PRKN: variants seen among roughly 807,000 people sequenced by gnomAD.
The protein encoded by PRKN is E3 ubiquitin-protein ligase parkin.
PRKN carries 56 observed loss-of-function variants against 59.5 expected under a neutral mutation model. That is an observed-to-expected ratio of 0.94 (90% CI 0.76 to 1.18). The LOEUF (loss-of-function observed/expected upper bound fraction) is 1.18, where lower values mean the gene tolerates loss of function less well. Among genes scored for constraint, PRKN ranks in the 50% most tolerant of loss-of-function variants. PRKN has a pLI of 0.00. For missense variants in PRKN, 657 were observed against 596.4 expected, an observed-to-expected ratio of 1.10 and a Z score of -1.06; for synonymous variants, 250 against 222.1, an observed-to-expected ratio of 1.13 and a Z score of -1.12.
In PRKN at chr6:161,460,643, G is replaced by A. The variant is rs768883878; in HGVS notation, c.1084-73766C>T. Among the ~76,000 whole-genome samples, 6 of 152,212 alleles carry A rather than the reference G, an allele frequency of 3.9e-5. No homozygotes were observed. In the South Asian group the frequency reaches 6.2e-4, roughly 16 times the overall value. On this transcript the variant is annotated intron_variant, in intron 9 of 11. Coordinates refer to ENST00000366898, the MANE Select transcript of PRKN (RefSeq NM_004562.3). This position sits in a 1 kb window ranked among gnomAD's most constrained non-coding sequence, Gnocchi z 5.0. Reference sequence around the variant, plus strand: ...AAGCTGAAGAAGACACAACTTCATCGCCGTGAGCATGACTTCCAGGGATGT... The same window carrying A: ...AAGCTGAAGAAGACACAACTTCATCACCGTGAGCATGACTTCCAGGGATGT...
rs974128590 is a variant in PRKN, at chr6:161,588,065, G to C, written c.872-18649C>G. Among the ~76,000 whole-genome samples the C allele has an allele frequency of 2.6e-5, 4 of 152,188 alleles. No individual in the cohort carries two copies. Among genetic ancestry groups the C allele is most frequent in the Non-Finnish European group, 5.9e-5 (4 of 68,044 alleles). ...AAGCATTAATAAGACCATGTCAATAGAGCGTTAATTATTAGGATTAAAAAT... is the reference window on the plus strand; with the variant it reads ...AAGCATTAATAAGACCATGTCAATACAGCGTTAATTATTAGGATTAAAAAT... On this transcript the variant is annotated intron_variant, in intron 7 of 11. Transcript: ENST00000366898. This position sits in a 1 kb window ranked among gnomAD's most constrained non-coding sequence, Gnocchi z 5.0.
chr6:161,653,114 A>G (rs1311009552), intron 7 of PRKN, among the ~76,000 whole-genome samples: 1 of 152,190 alleles, frequency 6.6e-6, no homozygotes, highest in African/African-American at 2.4e-5. Context: ...CTGTAATCCC[A>G]GCACTTTGGG....
rs533121099 is a variant in PRKN, at chr6:161,359,165, T to G, written c.1285+923A>C. Among the ~76,000 whole-genome samples the G allele has an allele frequency of 2.9e-4, 44 of 152,274 alleles. No homozygotes were observed. The highest frequency in any genetic ancestry group is 5.3e-4 in the Non-Finnish European group (36 of 68,020). ...AGCACTGCTGCATGCAATGGAGTAA[T>G]AAGGACACGCTGGGTAAATTATTTA... On this transcript the variant is annotated intron_variant, in intron 11 of 11. Coordinates refer to ENST00000366898, the MANE Select transcript of PRKN (RefSeq NM_004562.3). This position sits in a 1 kb window ranked among gnomAD's most constrained non-coding sequence, Gnocchi z 5.4.
chr6:162,677,448 C>T (rs925185255), intron 1 of PRKN, among the ~76,000 whole-genome samples: 4 of 136,588 alleles, frequency 2.9e-5, no homozygotes, highest in Non-Finnish European at 6.1e-5. Context: ...TAGTCCCCAC[C>T]GTGAAAAGCA....
At chr6:162,681,844 C>T (rs925604391) in intron 1 of PRKN, among the ~76,000 whole-genome samples, 1 of 152,062 alleles carries the variant, frequency 6.6e-6, no homozygotes, top group African/African-American at 2.4e-5. Context: ...AGACCCAACT[C>T]CCACCCGCTC....
At chr6:161,733,267 T>A (rs1168628590) in intron 7 of PRKN, among the ~76,000 whole-genome samples, 2 of 152,172 alleles carry the variant, frequency 1.3e-5, no homozygotes, top group Non-Finnish European at 2.9e-5. Flanking sequence ...TGGAAAAGTA[T>A]GAAAATAAGC....
chr6:161,521,762 T>G (rs547917121), intron 9 of PRKN, among the ~76,000 whole-genome samples: 8 of 152,254 alleles, frequency 5.3e-5, no homozygotes, highest in African/African-American at 1.9e-4. Context: ...GCCTCTCAGT[T>G]TGATTACTGG....
At chr6:162,458,379 T>C (rs1309368577) in intron 1 of PRKN, among the ~76,000 whole-genome samples, 2 of 146,192 alleles carry the variant, frequency 1.4e-5, no homozygotes, top group South Asian at 2.1e-4. Flanking sequence ...TAAGCCAAGA[T>C]CGCACCACTG....
chr6:162,373,801 T>C (rs919615577), intron 2 of PRKN, among the ~76,000 whole-genome samples: 7 of 152,130 alleles, frequency 4.6e-5, no homozygotes, highest in South Asian at 2.1e-4. Context: ...TTATATTTAA[T>C]AGAGTTTAAT....
At chr6:162,155,565 A>C (rs1423677193) in intron 4 of PRKN, among the ~76,000 whole-genome samples, 2 of 152,182 alleles carry the variant, frequency 1.3e-5, no homozygotes, top group Non-Finnish European at 2.9e-5. Context: ...CGTCAGAGAC[A>C]GCAAGCATAA....
rs114388703 is a variant in PRKN, at chr6:161,405,234, C to T, written c.1084-18357G>A. On this transcript the variant is annotated intron_variant, in intron 9 of 11. Coordinates refer to ENST00000366898, the MANE Select transcript of PRKN (RefSeq NM_004562.3). The surrounding 1 kb of genome is among the most constrained non-coding windows in gnomAD (Gnocchi z 5.1). ...GGGATTTGGGGGAAAAGTCATTAGTCGTCATTTGCCATCCTGTGTTCATGC... is the reference window on the plus strand; with the variant it reads ...GGGATTTGGGGGAAAAGTCATTAGTTGTCATTTGCCATCCTGTGTTCATGC... 4.4e-3 allele frequency among the ~76,000 whole-genome samples: 676 copies of T among 152,248 alleles called. 5 individuals are homozygous for T. The highest frequency in any genetic ancestry group is 0.016 in the African/African-American group (645 of 41,546).
chr6:161,763,390 C>T (rs1409855865), intron 7 of PRKN, among the ~76,000 whole-genome samples: 1 of 151,604 alleles, frequency 6.6e-6, no homozygotes, highest in Non-Finnish European at 1.5e-5. Context: ...ACAGGAGACA[C>T]CCCCATCCTT....
At chr6:161,504,409 C>T (rs906053006) in intron 9 of PRKN, among the ~76,000 whole-genome samples, 1 of 152,086 alleles carries the variant, frequency 6.6e-6, no homozygotes, top group East Asian at 1.9e-4. Context: ...CTCAGGTGTG[C>T]GGGGATGGGA....
rs1473650682 is a variant in PRKN, at chr6:162,720,435, GGTCT to G, written c.7+7223_7+7226del. Reference sequence around the variant, plus strand: ...AAAATACACACATCTGTCCATAGATGGTCTTTTTTTTTTTTTTTTTTTTTTTGAG... The same window carrying G: ...AAAATACACACATCTGTCCATAGATGTTTTTTTTTTTTTTTTTTTTTTGAG... On this transcript the variant is annotated intron_variant, in intron 1 of 11. Coordinates refer to ENST00000366898, the MANE Select transcript of PRKN (RefSeq NM_004562.3). 3.2e-5 allele frequency among the ~76,000 whole-genome samples: 4 copies of G among 126,520 alleles called. No homozygotes were observed. In the Admixed American group the frequency reaches 4.2e-4, roughly 13 times the overall value. The allele number at this position is 126,520 out of a possible 152,430, so 83.0% of individuals were successfully genotyped here. A position where few individuals can be genotyped will look rare whatever the true frequency, so the allele number is the denominator to read the frequency against.
rs562693842 is a variant in PRKN at position 161,428,581 on chromosome 6, G to T, written c.1084-41704C>A. 2.6e-4 allele frequency among the ~76,000 whole-genome samples: 39 copies of T among 152,310 alleles called. No individual in the cohort carries two copies. Among genetic ancestry groups the T allele is most frequent in the East Asian group, 1.2e-3 (6 of 5,184 alleles). ...TGTGGCATTGTGGCTGCCTTTGATT[G>T]TTTGGCGGTTTGCTGTGTTCTCTGA... On this transcript the variant is annotated intron_variant, in intron 9 of 11. Coordinates refer to ENST00000366898, the MANE Select transcript of PRKN (RefSeq NM_004562.3). This position sits in a 1 kb window ranked among gnomAD's most constrained non-coding sequence, Gnocchi z 4.0.
At chr6:162,154,434 T>C (rs1782413403) in intron 4 of PRKN, among the ~76,000 whole-genome samples, 1 of 152,000 alleles carries the variant, frequency 6.6e-6, no homozygotes, top group Admixed American at 6.5e-5. Context: ...CAGGGGACCA[T>C]TTGTGAAGTA....
At position 161,991,891 on chromosome 6, in the gene PRKN, T is replaced by A. The variant is rs568546359; in HGVS notation, c.619-18474A>T. Among the ~76,000 whole-genome samples, 3 of 152,096 alleles carry A rather than the reference T, an allele frequency of 2.0e-5. No homozygotes were observed. In the East Asian group the frequency reaches 5.8e-4, roughly 29 times the overall value. On this transcript the variant is annotated intron_variant, in intron 5 of 11. Transcript: ENST00000366898. ...ACAACAAAAAAATGGCCCAACTATA[T>A]GATGCCTACAAGAAAAACACTTCAC...
intron 4 of PRKN, among the ~76,000 whole-genome samples, chr6:162,177,718 C>T (rs1783604335): frequency 6.6e-6 from 1 of 152,026 alleles, no homozygotes; most frequent in South Asian, 2.1e-4. Flanking sequence ...ACAAAGACGG[C>T]AGAAGTTTGT....
At chr6:162,406,180 C>T (rs1345960029) in intron 2 of PRKN, among the ~76,000 whole-genome samples, 1 of 152,218 alleles carries the variant, frequency 6.6e-6, no homozygotes, top group Non-Finnish European at 1.5e-5. Flanking sequence ...TCAACCTTCA[C>T]TGCAACCATG....
Sources: allele counts gnomAD v4.1 joint callset (sites outside exome capture counted in the v4.1 genomes callset), GRCh38; gene constraint gnomAD v4.1.1; non-coding constraint Gnocchi (gnomAD v3.1); transcripts MANE v1.5; gene names NCBI Gene and HGNC (gene_info 2026-07-23, HGNC 2026-07-21).